The following CGGBP1 variants were observed in gnomAD, a reference collection of about 807,000 sequenced individuals.
The protein encoded by CGGBP1 is CGG triplet repeat-binding protein 1.
Under a neutral mutation model 11.4 loss-of-function variants are expected in CGGBP1, and 4 were observed. The observed-to-expected ratio is 0.35, with a 90% CI of 0.17 to 0.80. The LOEUF (loss-of-function observed/expected upper bound fraction) is 0.80. Among genes scored for constraint, CGGBP1 ranks in the 30% least tolerant of loss-of-function variants. The pLI is 0.52. For synonymous variants in CGGBP1, 76 were observed against 74.1 expected (o/e 1.03, Z -0.13); for missense variants, 135 against 202.1 (o/e 0.67, Z 2.01).
chr3:88,144,370 G>C (rs1431813548), intron 1 of CGGBP1: 1 of 152,288 alleles, frequency 6.6e-6, no homozygotes, highest in Non-Finnish European at 1.5e-5. Flanking sequence ...AACCTAAAAG[G>C]GATGATAGTG....
chr3:88,063,836 C>T (rs185163534), upstream of CGGBP1, among the ~76,000 whole-genome samples: 808 of 152,158 alleles, frequency 5.3e-3, 4 homozygotes, highest in African/African-American at 0.017. Flanking sequence ...GTCTTAGCAT[C>T]CCGAGTTTGT....
intron 1 of CGGBP1, chr3:88,143,014 CA>C (rs1559741326): frequency 6.6e-6 from 1 of 152,072 alleles, no homozygotes; most frequent in East Asian, 1.9e-4. Flanking sequence ...ATTAAAATAA[CA>C]AAAAGGCAGT....
chr3:88,083,109 A>G (rs1708166266), intron 2 of CGGBP1, among the ~76,000 whole-genome samples: 1 of 151,824 alleles, frequency 6.6e-6, no homozygotes, highest in African/African-American at 2.4e-5. Flanking sequence ...TCCTACTGGA[A>G]TAGGACTTCA....
chr3:88,094,176 T>C (rs561481389), intron 2 of CGGBP1, among the ~76,000 whole-genome samples: 1 of 152,250 alleles, frequency 6.6e-6, no homozygotes, highest in Non-Finnish European at 1.5e-5. Context: ...GGTTTTGTTC[T>C]TCCCTATTAC....
chr3:88,074,593 C>T (rs760948077), intron 2 of CGGBP1, among the ~76,000 whole-genome samples: 2 of 152,066 alleles, frequency 1.3e-5, no homozygotes, highest in Non-Finnish European at 2.9e-5. Flanking sequence ...CCGCCTGCCT[C>T]GGCCTTCCAA....
upstream of CGGBP1, chr3:88,059,247 A>T: frequency 6.6e-7 from 1 of 1,526,256 alleles, no homozygotes; most frequent in South Asian, 1.2e-5. Flanking sequence ...AGAGAGGAGG[A>T]GGAGGTTAGC....
chr3:88,063,552 C>T (rs1707010293), upstream of CGGBP1, among the ~76,000 whole-genome samples: 1 of 152,072 alleles, frequency 6.6e-6, no homozygotes, highest in African/African-American at 2.4e-5. Flanking sequence ...TATTATAGCT[C>T]TATGAATAGT....
chr3:88,097,121 T>A (rs1413066861), intron 2 of CGGBP1, among the ~76,000 whole-genome samples: 1 of 152,160 alleles, frequency 6.6e-6, no homozygotes, highest in Non-Finnish European at 1.5e-5. Context: ...AACAACCCTT[T>A]AATGAATTAC....
rs556941654 is a variant in CGGBP1 at position 88,052,762 on chromosome 3, T to C, written c.*2711A>G. 1.3e-5 allele frequency: 2 copies of C among 152,676 alleles called. No homozygotes were observed. The highest frequency in any genetic ancestry group is 1.9e-4 in the East Asian group (1 of 5,192). The allele number at this position is 152,676 out of a possible 1,614,324, so 9.5% of individuals were successfully genotyped here. On this transcript the variant is annotated 3_prime_UTR_variant, in exon 4 of 4. Coordinates refer to ENST00000482016, the MANE Select transcript of CGGBP1 (RefSeq NM_001008390.2). The stretch of plus-strand genomic sequence containing the variant: ...GATGATAATGGATAAAACAACTATA[T>C]AGGCTCTCATACACAATCTTTCTTA...
intron 2 of CGGBP1, among the ~76,000 whole-genome samples, chr3:88,124,581 AG>A (rs1336500378): frequency 4.6e-5 from 7 of 152,360 alleles, no homozygotes; most frequent in Admixed American, 4.6e-4. Context: ...GTTTAATAAA[AG>A]CAAAGTGTTT....
In CGGBP1 at chr3:88,058,038, T is replaced by C. The variant is rs1706610383; in HGVS notation, c.-145A>G. 6.6e-6 allele frequency: 1 copy of C among 152,270 alleles called. No individual in the cohort carries two copies. The highest frequency in any genetic ancestry group is 1.9e-4 in the East Asian group (1 of 5,208). 9.4% of individuals were successfully genotyped at this position (152,270 alleles called of 1,614,324 possible). A position where few individuals can be genotyped will look rare whatever the true frequency, so the allele number is the denominator to read the frequency against. ...GTTTACCGGATTAGTTTCCAGTTTT[T>C]TTCGTCTTGATACTTAGCAGGGAAT... On this transcript the variant is annotated 5_prime_UTR_variant, in exon 2 of 4. Transcript: ENST00000482016.
chr3:88,106,029 G>A lies in CGGBP1; in HGVS notation c.-229+34941C>T, dbSNP rs146382403. Among the ~76,000 whole-genome samples the A allele has an allele frequency of 3.2e-4, 49 of 152,246 alleles. No individual in the cohort carries two copies. The East Asian group carries it at 8.1e-3, about 25-fold the overall frequency. ...CTCTCCAGAGGATGTGGCATTCACC[G>A]TGCCATCTTCTCAGAAGAGAAGGGC... On this transcript the variant is annotated intron_variant, in intron 2 of 3. Coordinates refer to the CGGBP1 transcript ENST00000462901.
chr3:88,100,225 C>T (rs146755179), intron 2 of CGGBP1, among the ~76,000 whole-genome samples: 4,660 of 152,252 alleles, frequency 0.031, 97 homozygotes, highest in Non-Finnish European at 0.044. Context: ...TGAAAAAATG[C>T]TCATCATCAC....
chr3:88,064,112 T>C (rs1165871610), intron 2 of CGGBP1, among the ~76,000 whole-genome samples: 2 of 150,618 alleles, frequency 1.3e-5, no homozygotes, highest in Admixed American at 6.6e-5. Flanking sequence ...GCTTCTTCTT[T>C]TTTTTTTTTT....
intron 2 of CGGBP1, chr3:88,138,646 C>T: frequency 2.0e-6 from 2 of 1,013,226 alleles, no homozygotes; most frequent in Non-Finnish European, 2.5e-6. Flanking sequence ...TAAAGATAGA[C>T]TAGTATAACC....
chr3:88,140,714 A>G (rs746582114), intron 2 of CGGBP1: 2 of 1,613,650 alleles, frequency 1.2e-6, no homozygotes, highest in East Asian at 4.5e-5. Context: ...GTGTTGTACC[A>G]CAAGAACACA....
At chr3:88,092,315 AAGAT>A (rs1377812810) in intron 2 of CGGBP1, among the ~76,000 whole-genome samples, 1 of 152,220 alleles carries the variant, frequency 6.6e-6, no homozygotes, top group East Asian at 1.9e-4. Context: ...AATAGAATAT[AAGAT>A]AGATAAATTC....
intron 2 of CGGBP1, among the ~76,000 whole-genome samples, chr3:88,118,769 A>C (rs886833927): frequency 3.2e-4 from 48 of 152,302 alleles, no homozygotes; most frequent in Middle Eastern, 3.4e-3. Context: ...TTTTCTGCTC[A>C]AATAATTCTC....
intron 2 of CGGBP1, among the ~76,000 whole-genome samples, chr3:88,136,181 A>G (rs1374381203): frequency 6.6e-6 from 1 of 152,190 alleles, no homozygotes; most frequent in African/African-American, 2.4e-5. Context: ...ATTTTAAACA[A>G]TAAAGATGTA....
Sources: gnomAD v4.1 joint callset for allele counts (sites outside exome capture counted in the v4.1 genomes callset) on GRCh38, gnomAD v4.1.1 for gene constraint, MANE v1.5 for transcripts, NCBI Gene and HGNC (gene_info 2026-07-23, HGNC 2026-07-21) for gene names.